The following PCDH10 variants were observed in gnomAD, a reference collection of about 807,000 sequenced individuals.
PCDH10 encodes the protein protocadherin-10.
Under a neutral mutation model 74.4 loss-of-function variants are expected in PCDH10, and 15 were observed. The observed-to-expected ratio is 0.20, with a 90% CI of 0.13 to 0.31. The LOEUF (loss-of-function observed/expected upper bound fraction) is 0.31, where lower values mean the gene tolerates loss of function less well. PCDH10 is among the 10% of genes least tolerant of loss of function. PCDH10 has a pLI of 1.00. For missense variants in PCDH10, 1,260 were observed against 1,390.2 expected (o/e 0.91, Z 1.49); for synonymous variants, 619 against 589.8 (o/e 1.05, Z -0.72).
At position 133,149,621 on chromosome 4, in the gene PCDH10, C is replaced by T. The variant is rs1578553586; in HGVS notation, c.-520C>T. The stretch of plus-strand genomic sequence containing the variant: ...CAAAATTATATCGCTGATTTTAAGC[C>T]CTTTTGCATTTGCCAGCCGTTGACA... On this transcript the variant is annotated 5_prime_UTR_variant, in exon 1 of 5. Transcript: ENST00000264360. 6.5e-6 allele frequency: 1 copy of T among 152,746 alleles called. No homozygotes were observed. The highest frequency in any genetic ancestry group is 1.9e-4 in the East Asian group (1 of 5,212). 9.5% of individuals were successfully genotyped at this position (152,746 alleles called of 1,614,324 possible).
In PCDH10 at chr4:133,193,654, G is replaced by C. The variant is rs1031527302; in HGVS notation, c.*3494G>C. The C allele has an allele frequency of 7.9e-5, 12 of 151,612 alleles. No homozygotes were observed. Among genetic ancestry groups the C allele is most frequent in the Non-Finnish European group, 1.5e-4 (10 of 67,650 alleles). 9.4% of individuals were successfully genotyped at this position (151,612 alleles called of 1,614,324 possible). Reference sequence around the variant, plus strand: ...GATCAAGAAAAGTATTTAAGTTATTGACTGATCATAGCACTGTTATTTGTC... The same window carrying C: ...GATCAAGAAAAGTATTTAAGTTATTCACTGATCATAGCACTGTTATTTGTC... On this transcript the variant is annotated 3_prime_UTR_variant, in exon 5 of 5. Coordinates refer to ENST00000264360, the MANE Select transcript of PCDH10 (RefSeq NM_032961.3).
At chr4:133,160,345 T>A (rs1190805792) in intron 3 of PCDH10, among the ~76,000 whole-genome samples, 1 of 151,872 alleles carries the variant, frequency 6.6e-6, no homozygotes, top group East Asian at 1.9e-4. Context: ...ATTATTTACA[T>A]GTTTATTGCC....
At chr4:133,200,819 A>T (rs1727894279) in intron 2 of PCDH10, among the ~76,000 whole-genome samples, 1 of 152,154 alleles carries the variant, frequency 6.6e-6, no homozygotes, top group African/African-American at 2.4e-5. Flanking sequence ...TCTGTGTCTT[A>T]TTTTAAAATT....
Position 133,150,334 on chromosome 4 carries a change from A to T in PCDH10, c.194A>T (p.Asp65Val). The change falls in exon 1 of 5, where the codon GAC becomes GTC. Residue 65 changes from aspartate (D) to valine (V), a missense_variant. Physicochemically the swap from Asp to Val is radical, Grantham distance 152. Transcript: ENST00000264360. ...CCCAACTCAAGGACCCCTTACTTAG[A>T]CCTCAACCTGGAGACAGGGGTGCTG... is the stretch of plus-strand genomic sequence containing the variant. ...TVPNSRTPYL[D>V]LNLETGVLYV... 3 of 1,613,648 alleles carry T rather than the reference A, an allele frequency of 1.9e-6. No individual in the cohort carries two copies. The highest frequency in any genetic ancestry group is 2.5e-6 in the Non-Finnish European group (3 of 1,179,854).
In PCDH10 at chr4:133,152,699, C is replaced by G. The variant is rs757374053; in HGVS notation, c.2559C>G (p.Cys853Trp). The change falls in exon 1 of 5, where the codon TGC (cysteine) becomes TGG (tryptophan). Residue 853 changes from cysteine to tryptophan, a missense_variant. This residue lies in a region of PCDH10 where 587 missense variants were observed against 616.9 expected (regional missense o/e 0.95). Coordinates refer to ENST00000264360, the MANE Select transcript of PCDH10 (RefSeq NM_032961.3). ...SRSTDTEHNPCGAIVTGYTDQ... is the reference protein window; with the variant it reads ...SRSTDTEHNPWGAIVTGYTDQ... ...GTACGGACACTGAGCACAACCCCTGCGGGGCCATCGTCACCGGTTACACCG... is the reference window on the plus strand; with the variant it reads ...GTACGGACACTGAGCACAACCCCTGGGGGGCCATCGTCACCGGTTACACCG... 1 of 1,614,228 alleles carries G rather than the reference C, an allele frequency of 6.2e-7. No homozygotes were observed. The highest frequency in any genetic ancestry group is 1.1e-5 in the South Asian group (1 of 91,080).
chr4:133,199,967 T>G (rs921526256), intron 2 of PCDH10, among the ~76,000 whole-genome samples: 2 of 150,948 alleles, frequency 1.3e-5, no homozygotes, highest in Non-Finnish European at 3.0e-5. Flanking sequence ...CCAGCTAATT[T>G]TTTTGTATTT....
downstream of PCDH10, among the ~76,000 whole-genome samples, chr4:133,195,854 C>T (rs1007580189): frequency 6.6e-6 from 1 of 151,912 alleles, no homozygotes; most frequent in African/African-American, 2.4e-5. Context: ...AAATAGGTCA[C>T]AATGTAAAAT....
chr4:133,150,541 G>A lies in PCDH10; in HGVS notation c.401G>A (p.Ser134Asn). The change falls in exon 1 of 5, where the codon AGC becomes AAC. Residue 134 changes from serine (S) to asparagine (N), a missense_variant. Transcript: ENST00000264360. The part of the protein sequence containing the change: ...EPDLTVEISE[S>N]ATPGTRFPLE... ...GACCTGACGGTGGAAATCTCTGAGA[G>A]CGCCACGCCAGGCACTCGCTTCCCC... 6.2e-7 allele frequency: 1 copy of A among 1,613,782 alleles called. No homozygotes were observed. The highest frequency in any genetic ancestry group is 8.5e-7 in the Non-Finnish European group (1 of 1,179,976).
At chr4:133,202,106 T>A (rs933391298) in intron 2 of PCDH10, among the ~76,000 whole-genome samples, 2 of 152,040 alleles carry the variant, frequency 1.3e-5, no homozygotes, top group Non-Finnish European at 2.9e-5. Flanking sequence ...TGGAAGAAAC[T>A]CCCTAGGATG....
intron 4 of PCDH10, among the ~76,000 whole-genome samples, chr4:133,169,648 A>G (rs1376853214): frequency 1.3e-5 from 2 of 151,966 alleles, no homozygotes; most frequent in Admixed American, 6.6e-5. Context: ...GAATTATTCA[A>G]TGAAAAGAAA....
At chr4:133,188,552 A>C (rs1727588344) in intron 4 of PCDH10, among the ~76,000 whole-genome samples, 1 of 151,986 alleles carries the variant, frequency 6.6e-6, no homozygotes, top group African/African-American at 2.4e-5. Context: ...TGGATATCAT[A>C]CATTACAAAA....
At chr4:133,177,657 T>A (rs1727323160) in intron 4 of PCDH10, among the ~76,000 whole-genome samples, 1 of 152,162 alleles carries the variant, frequency 6.6e-6, no homozygotes, top group Admixed American at 6.5e-5. Context: ...GTTCTTGCAT[T>A]TAATATTGCT....
At position 133,190,456 on chromosome 4, in the gene PCDH10, C is replaced by T; in HGVS notation, c.*296C>T. 1 of 384,604 alleles carries T rather than the reference C, an allele frequency of 2.6e-6. No individual in the cohort carries two copies. Among genetic ancestry groups the T allele is most frequent in the Non-Finnish European group, 4.7e-6 (1 of 212,946 alleles). 23.8% of individuals were successfully genotyped at this position (384,604 alleles called of 1,614,324 possible). A position where few individuals can be genotyped will look rare whatever the true frequency, so the allele number is the denominator to read the frequency against. On this transcript the variant is annotated 3_prime_UTR_variant, in exon 5 of 5. Transcript: ENST00000264360. ...CTTTCTCTCTCCAAATGTCACTGAGCCCTTTAGATGTTTATATTCACCACG... is the reference window on the plus strand; with the variant it reads ...CTTTCTCTCTCCAAATGTCACTGAGTCCTTTAGATGTTTATATTCACCACG...
At chr4:133,156,035 G>A (rs1270451591) in intron 3 of PCDH10, among the ~76,000 whole-genome samples, 2 of 152,116 alleles carry the variant, frequency 1.3e-5, no homozygotes, top group East Asian at 3.9e-4. Flanking sequence ...CTGTCTTTGG[G>A]TTCAACTCTC....
At chr4:133,155,441 G>A (rs1268154043) in intron 3 of PCDH10, among the ~76,000 whole-genome samples, 3 of 152,158 alleles carry the variant, frequency 2.0e-5, no homozygotes, top group Non-Finnish European at 2.9e-5. Context: ...AAGATAAATG[G>A]ATGATTGAAG....
chr4:133,198,904 G>A (rs1200335739), downstream of PCDH10, among the ~76,000 whole-genome samples: 1 of 146,810 alleles, frequency 6.8e-6, no homozygotes, highest in African/African-American at 2.6e-5. Context: ...CTCTATAGAA[G>A]TGTCTATCCC....
chr4:133,189,228 GAT>G (rs937180715), intron 4 of PCDH10, among the ~76,000 whole-genome samples: 2 of 152,050 alleles, frequency 1.3e-5, no homozygotes, highest in African/African-American at 2.4e-5. Context: ...CTTTTAATGA[GAT>G]ATGTGAAAAT....
rs1048863570 is a variant in PCDH10 at position 133,151,893 on chromosome 4, C to G, written c.1753C>G (p.Pro585Ala). ...GCCTCTACCAGGGCGCAACGGGACTCCAGCGCGTGAGGTGCTGCCCCGCTC... is the reference window on the plus strand; with the variant it reads ...GCCTCTACCAGGGCGCAACGGGACTGCAGCGCGTGAGGTGCTGCCCCGCTC... ...VAPLPGRNGT[P>A]AREVLPRSAE... The change falls in exon 1 of 5, where the codon CCA becomes GCA. Residue 585 changes from proline to alanine, a missense_variant. Transcript: ENST00000264360. 3.1e-6 allele frequency: 5 copies of G among 1,612,908 alleles called. No homozygotes were observed. The highest frequency in any genetic ancestry group is 4.2e-6 in the Non-Finnish European group (5 of 1,179,952).
At chr4:133,157,065 A>G (rs147766434) in intron 3 of PCDH10, among the ~76,000 whole-genome samples, 2,737 of 152,320 alleles carry the variant, frequency 0.018, 40 homozygotes, top group Middle Eastern at 0.037. Flanking sequence ...TGTATCTTTA[A>G]GTTCTTAAAC....
Sources: allele counts gnomAD v4.1 joint callset (sites outside exome capture counted in the v4.1 genomes callset), GRCh38; gene constraint gnomAD v4.1.1; regional missense constraint gnomAD v4.1.1; transcripts MANE v1.5; gene names NCBI Gene and HGNC (gene_info 2026-07-23, HGNC 2026-07-21).